GUK1: variants seen among roughly 807,000 people sequenced by gnomAD.
GUK1 encodes guanylate kinase 1.
Under a neutral mutation model 25.2 loss-of-function variants are expected in GUK1, and 18 were observed. That is an observed-to-expected ratio of 0.71 (90% CI 0.49 to 1.06). The LOEUF is 1.06. Ranked by LOEUF, GUK1 falls within the 50% of genes least tolerant of loss-of-function variation. The pLI, the probability that GUK1 is intolerant of heterozygous loss-of-function variation, is 0.00. For missense variants in GUK1, 261 were observed against 276.7 expected (o/e 0.94, Z 0.40); for synonymous variants, 105 against 117.6 (o/e 0.89, Z 0.69).
Position 228,143,052 on chromosome 1 carries a change from C to T in GUK1, c.-3+1764C>T, listed in dbSNP as rs1209963153. Among the ~76,000 whole-genome samples the T allele has an allele frequency of 2.6e-5, 4 of 152,166 alleles. No individual in the cohort carries two copies. In the East Asian group the frequency reaches 7.8e-4, roughly 30 times the overall value. ...AACTGGTGTCTTCTGCCTGTGGGCC[C>T]AGCTTCACTTCACTAGCTTAGCGCT... On this transcript the variant is annotated intron_variant, in intron 2 of 8. Transcript: ENST00000312726.
chr1:228,145,987 T>C, intron 3 of GUK1, 39 bp from the exon 3 acceptor site: 1 of 1,537,864 alleles, frequency 6.5e-7, no homozygotes, highest in Non-Finnish European at 9.0e-7. Context: ...GGCATTGGGC[T>C]CCGAGCAGCC....
At chr1:228,144,571 G>C (rs2034263270) in intron 2 of GUK1, 1 of 198,822 alleles carries the variant, frequency 5.0e-6, no homozygotes, top group Non-Finnish European at 9.0e-6. Context: ...CCGCAGAGCA[G>C]GTGGATGGGG....
Position 228,148,590 on chromosome 1 carries a change from C to T in GUK1, c.562-75C>T, listed in dbSNP as rs150006242. On this transcript the variant is annotated intron_variant, in intron 8 of 8. Transcript: ENST00000312726. ...CACTGGCATGAGACACCGAGGTCCA[C>T]GGTGGAGGGAGAGCAGGAAGCCCAG... 2,449 of 1,438,148 alleles carry T rather than the reference C, an allele frequency of 1.7e-3. 16 individuals are homozygous for T. Among genetic ancestry groups the T allele is most frequent in the African/African-American group, 8.1e-3 (577 of 71,566 alleles). The allele number at this position is 1,438,148 out of a possible 1,614,324, so 89.1% of individuals were successfully genotyped here. A position where few individuals can be genotyped will look rare whatever the true frequency, so the allele number is the denominator to read the frequency against.
intron 4 of GUK1, chr1:228,146,445 A>G: frequency 2.4e-6 from 1 of 424,930 alleles, no homozygotes; most frequent in Non-Finnish European, 4.3e-6. Flanking sequence ...CCCCCTTCCC[A>G]ACAGCACCCC....
At chr1:228,147,097 C>T (rs2034425604) in intron 5 of GUK1, 159 bp downstream of exon 4, 2 of 657,308 alleles carry the variant, frequency 3.0e-6, no homozygotes, top group African/African-American at 3.6e-5. Flanking sequence ...CTGTGGCCCA[C>T]AGTGGCTCTT....
intron 2 of GUK1, chr1:228,144,619 G>A: frequency 1.7e-6 from 1 of 580,690 alleles, no homozygotes; most frequent in Non-Finnish European, 2.2e-6. Flanking sequence ...GGCCCCCTGG[G>A]GATTTATTCG....
rs150392196 is a variant in GUK1 at position 228,140,727 on chromosome 1, G to A, written c.-168+364G>A. Among the ~76,000 whole-genome samples, 9 of 152,388 alleles carry A rather than the reference G, an allele frequency of 5.9e-5. No homozygotes were observed. The East Asian group carries it at 1.2e-3, about 20-fold the overall frequency. ...CTGGCCCGGCGCGGTGTGCGCTCCG[G>A]TTCCCACCTCACCCTGCAAGCCTTG... On this transcript the variant is annotated intron_variant, in intron 1 of 8. Transcript: ENST00000312726.
rs1162253351 is a variant in GUK1 at position 228,146,859 on chromosome 1, A to G, written c.172A>G (p.Arg58Gly). ...TTCCCCAGATTACTACTTTGTAACC[A>G]GGGAGGTGATGCAGCGTGACATAGC... The change falls in exon 5 of 9, where the codon AGG becomes GGG. Residue 58 changes from arginine (R) to glycine (G), a missense_variant. Transcript: ENST00000312726. 1.2e-6 allele frequency: 2 copies of G among 1,611,340 alleles called. No homozygotes were observed. Among genetic ancestry groups the G allele is most frequent in the Non-Finnish European group, 1.7e-6 (2 of 1,177,590 alleles).
At chr1:228,147,344 C>A in intron 5 of GUK1, 62 bp from the exon 5 acceptor site, 4 of 1,530,728 alleles carry the variant, frequency 2.6e-6, no homozygotes, top group Non-Finnish European at 2.7e-6. Context: ...CTGGGTGTCC[C>A]TGAAGCTCCT....
At chr1:228,140,267 T>A, upstream of GUK1, 1 of 1,520,684 alleles carries the variant, frequency 6.6e-7, no homozygotes, top group Non-Finnish European at 8.8e-7. Flanking sequence ...TGCGGCGCTG[T>A]CACGTAGGTT....
chr1:228,140,419 C>G, intron 1 of GUK1, 56 bp downstream of exon 1: 1 of 1,280,340 alleles, frequency 7.8e-7, no homozygotes, highest in Admixed American at 2.8e-5. Flanking sequence ...GCAGCGGTCC[C>G]TGCGCTTTGC....
rs375124006 is a variant in GUK1 at position 228,147,398 on chromosome 1, C to G, written c.252-8C>G. The G allele has an allele frequency of 1.2e-6, 2 of 1,608,002 alleles. No homozygotes were observed. Among genetic ancestry groups the G allele is most frequent in the Non-Finnish European group, 8.5e-7 (1 of 1,178,038 alleles). ...TGGCACCCCTGCTGACCTGGCACCTCTCCCCAGCAAGGTGGCGGTGCAGGC... is the reference window on the plus strand; with the variant it reads ...TGGCACCCCTGCTGACCTGGCACCTGTCCCCAGCAAGGTGGCGGTGCAGGC... On this transcript the variant is annotated splice_polypyrimidine_tract_variant and splice_region_variant and intron_variant, in intron 5 of 8. Transcript: ENST00000312726.
In GUK1 at chr1:228,147,439, C is replaced by T. The variant is rs2034444481; in HGVS notation, c.285C>T (p.Asn95=). The stretch of plus-strand genomic sequence containing the variant: ...CGGTGCAGGCCGTGCAGGCCATGAA[C>T]CGCATCTGTGTGCTGGACGTGGACC... The change falls in exon 6 of 9, where the codon AAC becomes AAT. Residue 95 remains asparagine, a synonymous_variant. Transcript: ENST00000312726. The T allele has an allele frequency of 6.2e-7, 1 of 1,612,594 alleles. No individual in the cohort carries two copies. Among genetic ancestry groups the T allele is most frequent in the Admixed American group, 1.7e-5 (1 of 60,004 alleles).
rs1171700554 is a variant in GUK1 at position 228,141,146 on chromosome 1, G to A, written c.-145G>A. On this transcript the variant is annotated 5_prime_UTR_variant, in exon 2 of 9. Transcript: ENST00000312726. ...CAGGCTTGCTCTGCTCTTTACCTGG[G>A]GTTGCTGTCGAGGACCCTGTGCAAG... 1.0e-6 allele frequency: 1 copy of A among 985,578 alleles called. No individual in the cohort carries two copies. The highest frequency in any genetic ancestry group is 1.7e-5 in the African/African-American group (1 of 57,214). 61.1% of individuals were successfully genotyped at this position (985,578 alleles called of 1,614,324 possible). A position where few individuals can be genotyped will look rare whatever the true frequency, so the allele number is the denominator to read the frequency against.
intron 7 of GUK1, chr1:228,147,964 C>T (rs745873770): frequency 3.8e-5 from 22 of 583,984 alleles, no homozygotes; most frequent in Non-Finnish European, 5.8e-5. Context: ...GACCCCCCAT[C>T]GCCCAGGGTC....
At chr1:228,140,723 T>C (rs1046917095) in intron 1 of GUK1, among the ~76,000 whole-genome samples, 2 of 152,216 alleles carry the variant, frequency 1.3e-5, no homozygotes, top group African/African-American at 4.8e-5. Flanking sequence ...CGGTGTGCGC[T>C]CCGGTTCCCA....
At position 228,147,316 on chromosome 1, in the gene GUK1, C is replaced by T. The variant is rs1299639461; in HGVS notation, c.252-90C>T. 27 of 1,283,904 alleles carry T rather than the reference C, an allele frequency of 2.1e-5. No individual in the cohort carries two copies. The South Asian group carries it at 2.3e-4, about 11-fold the overall frequency. 79.5% of individuals were successfully genotyped at this position (1,283,904 alleles called of 1,614,324 possible). A position where few individuals can be genotyped will look rare whatever the true frequency, so the allele number is the denominator to read the frequency against. ...CCTAGGCTCAGCTGTGGGAGGAGAA[C>T]GCTGGGCCCGGGAGGGCCTGGGTGT... On this transcript the variant is annotated intron_variant, in intron 5 of 8. Coordinates refer to ENST00000312726, the MANE Select transcript of GUK1 (RefSeq NM_000858.7).
chr1:228,146,926 T>G lies in GUK1; in HGVS notation c.239T>G (p.Leu80Arg). The G allele has an allele frequency of 6.2e-7, 1 of 1,612,080 alleles. No individual in the cohort carries two copies. The highest frequency in any genetic ancestry group is 8.5e-7 in the Non-Finnish European group (1 of 1,178,230). Residue 80 changes from leucine (L) to arginine (R), a missense_variant, in exon 5 of 9, where the codon CTG (leucine) becomes CGG (arginine). By Grantham distance (102) the Leu-to-Arg change is moderately radical. Transcript: ENST00000312726. ...GAGCATGCCGAGTTCTCGGGGAACC[T>G]GTATGGCACGAGGTGGGCCATGCGT...
At position 228,146,467 on chromosome 1, in the gene GUK1, G is replaced by A. The variant is rs981967510; in HGVS notation, c.155-375G>A. 1.2e-5 allele frequency: 5 copies of A among 414,898 alleles called. No individual in the cohort carries two copies. In the East Asian group the frequency reaches 1.2e-4, roughly 10 times the overall value. The allele number at this position is 414,898 out of a possible 1,614,324, so 25.7% of individuals were successfully genotyped here. ...CCCAACAGCACCCCCGCCCCTTGCC[G>A]TGCAACCCAGTGGTCTCCAGTCACC... On this transcript the variant is annotated intron_variant, in intron 4 of 8. Coordinates refer to ENST00000312726, the MANE Select transcript of GUK1 (RefSeq NM_000858.7).
Sources: gnomAD v4.1 joint callset for allele counts (sites outside exome capture counted in the v4.1 genomes callset) on GRCh38, gnomAD v4.1.1 for gene constraint, MANE v1.5 for transcripts, NCBI Gene and HGNC (gene_info 2026-07-23, HGNC 2026-07-21) for gene names.